The following CLIC5 variants were observed in gnomAD, a reference collection of about 807,000 sequenced individuals.
The protein encoded by CLIC5 is CLIC family member 5.
A neutral mutation model predicts 24.7 loss-of-function variants in CLIC5; 20 were observed. The ratio of observed to expected loss-of-function variants is 0.81; its 90% CI spans 0.57 to 1.18. The LOEUF is 1.18. Ranked by LOEUF, CLIC5 falls within the 50% of genes most tolerant of loss-of-function variation. The probability of loss-of-function intolerance (pLI) is 0.00; values close to 1 mark genes in which losing one functional copy is unlikely to be tolerated. For synonymous variants in CLIC5, 159 were observed against 135.6 expected, an observed-to-expected ratio of 1.17 and a Z score of -1.20; for missense variants, 341 against 326.1, an observed-to-expected ratio of 1.05 and a Z score of -0.35.
At chr6:45,916,243 A>C (rs751556804) in intron 4 of CLIC5, among the ~76,000 whole-genome samples, 5 of 152,244 alleles carry the variant, frequency 3.3e-5, no homozygotes, top group Non-Finnish European at 5.9e-5. Context: ...CTACTTCATC[A>C]TCTGCTTTGT....
intron 4 of CLIC5, among the ~76,000 whole-genome samples, chr6:45,927,557 C>G (rs190166081): frequency 5.3e-5 from 8 of 152,294 alleles, no homozygotes; most frequent in East Asian, 1.9e-4. Flanking sequence ...TTGCCTCCCC[C>G]CTTCTACCAG....
At chr6:46,070,977 AG>A in intron 1 of CLIC5, among the ~76,000 whole-genome samples, 1 of 152,316 alleles carries the variant, frequency 6.6e-6, no homozygotes, top group Non-Finnish European at 1.5e-5. Context: ...CAATGGGGAG[AG>A]GACTCCCTAT....
chr6:45,927,102 C>G (rs1763529658), intron 4 of CLIC5, among the ~76,000 whole-genome samples: 1 of 152,156 alleles, frequency 6.6e-6, no homozygotes. Context: ...TGATGAGGCC[C>G]CGTCATCATC....
chr6:45,997,949 G>A (rs1352923187), intron 1 of CLIC5, among the ~76,000 whole-genome samples: 1 of 152,224 alleles, frequency 6.6e-6, no homozygotes, highest in Admixed American at 6.5e-5. Context: ...TTTCATGGTT[G>A]AAAAATTCCC....
intron 4 of CLIC5, among the ~76,000 whole-genome samples, chr6:45,935,900 C>G (rs60938567): frequency 6.6e-6 from 1 of 152,184 alleles, no homozygotes; most frequent in African/African-American, 2.4e-5. Context: ...AGGACCTTCT[C>G]TGCAGCATTT....
At chr6:45,961,662 A>T (rs199549645) in intron 1 of CLIC5, among the ~76,000 whole-genome samples, 2 of 151,562 alleles carry the variant, frequency 1.3e-5, no homozygotes, top group Non-Finnish European at 2.9e-5. Flanking sequence ...TTTTTTTTTT[A>T]ATACCAAACA....
At chr6:45,998,459 C>T (rs989563975) in intron 1 of CLIC5, among the ~76,000 whole-genome samples, 2 of 152,196 alleles carry the variant, frequency 1.3e-5, no homozygotes, top group Non-Finnish European at 2.9e-5. Flanking sequence ...GGAATGAGTT[C>T]TGTCTACATC....
chr6:46,020,573 A>G (rs1767147715), upstream of CLIC5, among the ~76,000 whole-genome samples: 1 of 151,986 alleles, frequency 6.6e-6, no homozygotes, highest in Admixed American at 6.5e-5. Flanking sequence ...AATAATAAAT[A>G]TAAAAACAGA....
the CLIC5 span, among the ~76,000 whole-genome samples, chr6:46,097,905 A>T: frequency 6.6e-6 from 1 of 152,042 alleles, no homozygotes; most frequent in East Asian, 1.9e-4. Context: ...TCACTGCATT[A>T]TTTTCTCCTG....
At chr6:46,091,390 G>T in the CLIC5 span, among the ~76,000 whole-genome samples, 1 of 152,152 alleles carries the variant, frequency 6.6e-6, no homozygotes, top group East Asian at 1.9e-4. Flanking sequence ...TTAACATAAT[G>T]TCCTCCAGTT....
chr6:45,990,149 C>T (rs1478053506), intron 1 of CLIC5, among the ~76,000 whole-genome samples: 2 of 152,106 alleles, frequency 1.3e-5, no homozygotes, highest in Non-Finnish European at 2.9e-5. Context: ...TTCAAATATT[C>T]TTTTTAGGCT....
rs948003928 is a variant in CLIC5 at position 45,901,996 on chromosome 6, T to TGCA, written c.*1089_*1091dup. On this transcript the variant is annotated 3_prime_UTR_variant, in exon 6 of 6. Transcript: ENST00000339561. The stretch of plus-strand genomic sequence containing the variant: ...CTGGAGAGCACCCAGCCGACAGACC[T>TGCA]GCATTCCAGAAGCAGCTTGGAGAAA... 4 of 152,668 alleles carry TGCA rather than the reference T, an allele frequency of 2.6e-5. No homozygotes were observed. Among genetic ancestry groups the TGCA allele is most frequent in the Non-Finnish European group, 5.9e-5 (4 of 68,064 alleles). The allele number at this position is 152,668 out of a possible 1,614,324, so 9.5% of individuals were successfully genotyped here. A position where few individuals can be genotyped will look rare whatever the true frequency, so the allele number is the denominator to read the frequency against.
chr6:45,882,516 C>T (rs1033685385), intron 6 of CLIC5, among the ~76,000 whole-genome samples: 1 of 152,204 alleles, frequency 6.6e-6, no homozygotes, highest in Non-Finnish European at 1.5e-5. Flanking sequence ...TCTTTTCCCA[C>T]TCTGAGGCTT....
At chr6:46,069,375 G>T (rs1367908062) in intron 1 of CLIC5, among the ~76,000 whole-genome samples, 4 of 151,966 alleles carry the variant, frequency 2.6e-5, no homozygotes, top group Non-Finnish European at 5.9e-5. Flanking sequence ...CAACAAAAGG[G>T]ATATTATCAC....
chr6:45,902,330 AACACT>A lies in CLIC5; in HGVS notation c.*753_*757del, dbSNP rs1762531375. 1 of 152,930 alleles carries A rather than the reference AACACT, an allele frequency of 6.5e-6. No individual in the cohort carries two copies. Among genetic ancestry groups the A allele is most frequent in the East Asian group, 1.9e-4 (1 of 5,184 alleles). The allele number at this position is 152,930 out of a possible 1,614,324, so 9.5% of individuals were successfully genotyped here. ...TAGACCCCGTGGGTATTTTGGCATCAACACTGCTCCCCTCCCCTCCCATCCCAGTC... is the reference window on the plus strand; with the variant it reads ...TAGACCCCGTGGGTATTTTGGCATCAGCTCCCCTCCCCTCCCATCCCAGTC... On this transcript the variant is annotated 3_prime_UTR_variant, in exon 6 of 6. Coordinates refer to ENST00000339561, the MANE Select transcript of CLIC5 (RefSeq NM_016929.5).
chr6:45,929,627 G>A (rs911310913), intron 4 of CLIC5, among the ~76,000 whole-genome samples: 3 of 152,134 alleles, frequency 2.0e-5, no homozygotes, highest in African/African-American at 7.2e-5. Flanking sequence ...GTGGTGAGAC[G>A]GTCACATGTT....
chr6:45,888,777 T>C (rs900705377), intron 6 of CLIC5, among the ~76,000 whole-genome samples: 2 of 152,246 alleles, frequency 1.3e-5, no homozygotes, highest in South Asian at 4.1e-4. Context: ...GGAATGTTAT[T>C]ATTAGGTCTT....
upstream of CLIC5, among the ~76,000 whole-genome samples, chr6:46,085,271 A>C (rs1763007858): frequency 6.6e-6 from 1 of 151,940 alleles, no homozygotes; most frequent in African/African-American, 2.4e-5. Flanking sequence ...TCTTCTCTCA[A>C]CTCGTCAAAG....
At chr6:46,121,324 C>T in the CLIC5 span, among the ~76,000 whole-genome samples, 7 of 152,118 alleles carry the variant, frequency 4.6e-5, no homozygotes, top group African/African-American at 1.2e-4. Flanking sequence ...TCATATCCAG[C>T]CAAACTAAGC....
Sources: gnomAD v4.1 joint callset for allele counts (sites outside exome capture counted in the v4.1 genomes callset) on GRCh38, gnomAD v4.1.1 for gene constraint, MANE v1.5 for transcripts, NCBI Gene and HGNC (gene_info 2026-07-23, HGNC 2026-07-21) for gene names.